The following SNTG2 variants were observed in gnomAD, a reference collection of about 807,000 sequenced individuals.
SNTG2 encodes gamma-2-syntrophin.
SNTG2 carries 74 observed loss-of-function variants against 70.9 expected under a neutral mutation model. That is an observed-to-expected ratio of 1.04 (90% CI 0.86 to 1.27). The LOEUF is 1.27. Among genes scored for constraint, SNTG2 ranks in the 50% most tolerant of loss-of-function variants. The probability of loss-of-function intolerance (pLI) is 0.00; values close to 1 mark genes in which losing one functional copy is unlikely to be tolerated. For synonymous variants in SNTG2, 278 were observed against 273.8 expected (o/e 1.02, Z -0.15); for missense variants, 717 against 690.7 (o/e 1.04, Z -0.43).
chr2:1,290,562 C>G (rs1335985654), intron 14 of SNTG2, among the ~76,000 whole-genome samples: 2 of 152,214 alleles, frequency 1.3e-5, no homozygotes, highest in Admixed American at 1.3e-4. Context: ...AATCCACCCA[C>G]CTTGGCCTCC....
chr2:1,099,804 G>A lies in SNTG2; in HGVS notation c.325+1394G>A, dbSNP rs62107375. 8.0e-3 allele frequency among the ~76,000 whole-genome samples: 1,216 copies of A among 152,302 alleles called. 16 individuals carry two copies. Among genetic ancestry groups the A allele is most frequent in the South Asian group, 0.015 (73 of 4,828 alleles). On this transcript the variant is annotated intron_variant, in intron 4 of 16. Transcript: ENST00000308624. ...CAGCTGTGAACACGTTCTCAGGGAA[G>A]AGAGGTTTCCACAGAATGCGTTGCC...
chr2:1,078,528 C>G (rs182480795), intron 1 of SNTG2, among the ~76,000 whole-genome samples: 65 of 151,964 alleles, frequency 4.3e-4, no homozygotes, highest in Non-Finnish European at 7.8e-4. Flanking sequence ...CAGGCAGGCA[C>G]GGCGGCGCTG....
chr2:1,015,630 CA>C (rs1442741217), intron 1 of SNTG2, among the ~76,000 whole-genome samples: 4 of 152,138 alleles, frequency 2.6e-5, no homozygotes, highest in Non-Finnish European at 5.9e-5. Context: ...AAATTTCCAT[CA>C]ATGGGGATGT....
chr2:952,739 A>G (rs1353531678), intron 1 of SNTG2, among the ~76,000 whole-genome samples: 1 of 152,248 alleles, frequency 6.6e-6, no homozygotes, highest in Non-Finnish European at 1.5e-5. Flanking sequence ...CTTTGCAGTC[A>G]TAAGTAATTA....
At chr2:1,030,424 G>A (rs1572255538) in intron 1 of SNTG2, among the ~76,000 whole-genome samples, 3 of 152,130 alleles carry the variant, frequency 2.0e-5, no homozygotes, top group African/African-American at 7.2e-5. Context: ...GAGACACTTG[G>A]CCTGTGATGA....
At chr2:1,034,446 C>T (rs951714853) in intron 1 of SNTG2, among the ~76,000 whole-genome samples, 25 of 152,070 alleles carry the variant, frequency 1.6e-4, no homozygotes, top group Admixed American at 8.5e-4. Flanking sequence ...TATAATAGAA[C>T]GATTTATATT....
chr2:953,706 A>G (rs1347165419), intron 1 of SNTG2, among the ~76,000 whole-genome samples: 1 of 152,256 alleles, frequency 6.6e-6, no homozygotes, highest in Non-Finnish European at 1.5e-5. Context: ...ACCAGGAGAC[A>G]TGGAGACATG....
intron 1 of SNTG2, among the ~76,000 whole-genome samples, chr2:1,082,681 C>T (rs953787616): frequency 3.9e-5 from 6 of 152,208 alleles, no homozygotes; most frequent in Non-Finnish European, 7.3e-5. Flanking sequence ...GGCTGGGTCC[C>T]GACAAGGCAC....
At chr2:1,095,135 T>C (rs1665308990) in intron 2 of SNTG2, among the ~76,000 whole-genome samples, 1 of 152,194 alleles carries the variant, frequency 6.6e-6, no homozygotes, top group South Asian at 2.1e-4. Context: ...TGTCTTTTCC[T>C]GTTCCAACCC....
rs1276762733 is a variant in SNTG2 at position 1,267,360 on chromosome 2, T to C, written c.1078-5T>C. 6.3e-7 allele frequency: 1 copy of C among 1,590,558 alleles called. No individual in the cohort carries two copies. Among genetic ancestry groups the C allele is most frequent in the Admixed American group, 1.8e-5 (1 of 56,408 alleles). On this transcript the variant is annotated splice_region_variant and splice_polypyrimidine_tract_variant and intron_variant, in intron 13 of 16. Coordinates refer to ENST00000308624, the MANE Select transcript of SNTG2 (RefSeq NM_018968.4). Reference sequence around the variant, plus strand: ...CACGTTTCCAATCCATGCTCTGTTTTTCAGTTCTGGCTCACAGAGGACTGC... The same window carrying C: ...CACGTTTCCAATCCATGCTCTGTTTCTCAGTTCTGGCTCACAGAGGACTGC...
intron 13 of SNTG2, among the ~76,000 whole-genome samples, chr2:1,261,898 G>C (rs1678432426): frequency 6.6e-6 from 1 of 152,132 alleles, no homozygotes; most frequent in African/African-American, 2.4e-5. Context: ...GACTCACGTG[G>C]CTGCAAAGCT....
chr2:988,601 G>C (rs1248685781), intron 1 of SNTG2, among the ~76,000 whole-genome samples: 3 of 152,186 alleles, frequency 2.0e-5, no homozygotes, highest in African/African-American at 7.2e-5. Context: ...GGCTTAGGCA[G>C]TTGTGAATAA....
At chr2:1,311,749 A>T (rs1201530611) in intron 15 of SNTG2, among the ~76,000 whole-genome samples, 1 of 152,240 alleles carries the variant, frequency 6.6e-6, no homozygotes, top group Non-Finnish European at 1.5e-5. Flanking sequence ...TTATAAAAAA[A>T]TCAAATAGAT....
intron 13 of SNTG2, among the ~76,000 whole-genome samples, chr2:1,259,887 A>C (rs1558607685): frequency 6.6e-6 from 1 of 152,184 alleles, no homozygotes; most frequent in Non-Finnish European, 1.5e-5. Context: ...CCTCCAGGGG[A>C]CACACCTCAC....
chr2:1,365,749 A>C (rs1357242680), intron 16 of SNTG2, among the ~76,000 whole-genome samples: 1 of 152,196 alleles, frequency 6.6e-6, no homozygotes, highest in Admixed American at 6.5e-5. Context: ...ATTGCAAGAG[A>C]GAAGCAGTTT....
chr2:1,247,332 G>GCAT lies in SNTG2; in HGVS notation c.895_897dup (p.His299dup), dbSNP rs1462628973. ...TAATTTTCACCCCTCTGCAGGTTGTGCATATGGGGTGGGTAAATGAGAAAC... is the reference window on the plus strand; with the variant it reads ...TAATTTTCACCCCTCTGCAGGTTGTGCATCATATGGGGTGGGTAAATGAGAAAC... On this transcript the variant is annotated inframe_insertion, in exon 12 of 17. Transcript: ENST00000308624. 2 of 1,609,176 alleles carry GCAT rather than the reference G, an allele frequency of 1.2e-6. No homozygotes were observed. The highest frequency in any genetic ancestry group is 2.2e-5 in the South Asian group (2 of 90,972).
At chr2:1,306,737 T>G (rs1680692930) in intron 14 of SNTG2, among the ~76,000 whole-genome samples, 1 of 149,932 alleles carries the variant, frequency 6.7e-6, no homozygotes, top group Non-Finnish European at 1.5e-5. Context: ...GTGCGCTGTG[T>G]GAGCCACACT....
chr2:1,061,444 A>G (rs986653735), intron 1 of SNTG2, among the ~76,000 whole-genome samples: 2 of 152,226 alleles, frequency 1.3e-5, no homozygotes, highest in African/African-American at 4.8e-5. Context: ...TTGTGCAGCA[A>G]ACAGCTTTCC....
chr2:1,066,366 C>T (rs1230747121), intron 1 of SNTG2, among the ~76,000 whole-genome samples: 2 of 151,614 alleles, frequency 1.3e-5, no homozygotes, highest in Admixed American at 6.6e-5. Flanking sequence ...TGTACAGTCA[C>T]GTGTTGTTGT....
Sources: allele counts gnomAD v4.1 joint callset (sites outside exome capture counted in the v4.1 genomes callset), GRCh38; gene constraint gnomAD v4.1.1; transcripts MANE v1.5; gene names NCBI Gene and HGNC (gene_info 2026-07-23, HGNC 2026-07-21).